Variants in CCDC63 observed in about 807,000 individuals in gnomAD.
CCDC63 encodes the protein coiled-coil domain-containing protein 63.
A neutral mutation model predicts 63.6 loss-of-function variants in CCDC63; 54 were observed. The observed-to-expected ratio is 0.85, with a 90% CI of 0.68 to 1.07. The LOEUF (loss-of-function observed/expected upper bound fraction) is 1.07, where lower values mean the gene tolerates loss of function less well. Ranked by LOEUF, CCDC63 falls within the 50% of genes least tolerant of loss-of-function variation. The pLI is 0.00. For synonymous variants in CCDC63, 253 were observed against 266.1 expected, an observed-to-expected ratio of 0.95 and a Z score of 0.48; for missense variants, 637 against 689.6, an observed-to-expected ratio of 0.92 and a Z score of 0.86.
intron 4 of CCDC63, among the ~76,000 whole-genome samples, chr12:110,867,651 C>T (rs1184313025): frequency 1.2e-4 from 14 of 114,910 alleles, no homozygotes; most frequent in East Asian, 8.0e-4. Context: ...TAGGGGCGGC[C>T]GGGCAGAGGC....
chr12:110,872,532 C>T (rs1486365675), intron 4 of CCDC63, among the ~76,000 whole-genome samples: 5 of 152,314 alleles, frequency 3.3e-5, no homozygotes, highest in Admixed American at 2.6e-4. Context: ...ATAATCTTCT[C>T]TTGATTGATA....
At chr12:110,856,435 CA>C (rs953714652) in intron 3 of CCDC63, among the ~76,000 whole-genome samples, 9 of 152,052 alleles carry the variant, frequency 5.9e-5, no homozygotes, top group Admixed American at 1.3e-4. Context: ...TCCACCTTAA[CA>C]AAGACACTCG....
At chr12:110,904,063 A>G (rs117972814) in intron 10 of CCDC63, among the ~76,000 whole-genome samples, 1 of 152,332 alleles carries the variant, frequency 6.6e-6, no homozygotes, top group Non-Finnish European at 1.5e-5. Context: ...TGTATACATT[A>G]AGAAGTCAGA....
intron 8 of CCDC63, among the ~76,000 whole-genome samples, chr12:110,888,096 G>T (rs1274292181): frequency 2.6e-5 from 4 of 152,140 alleles, no homozygotes; most frequent in Admixed American, 1.3e-4. Context: ...CTCCCTCTTC[G>T]CTCACAGAGA....
upstream of CCDC63, among the ~76,000 whole-genome samples, chr12:110,844,615 C>T (rs1346538725): frequency 3.9e-5 from 6 of 152,214 alleles, no homozygotes; most frequent in African/African-American, 1.2e-4. Context: ...TGGGAGAATG[C>T]TATGCACTAA....
At position 110,899,001 on chromosome 12, in the gene CCDC63, C is replaced by G; in HGVS notation, c.1218C>G (p.Thr406=). 1 of 1,613,516 alleles carries G rather than the reference C, an allele frequency of 6.2e-7. No individual in the cohort carries two copies. Among genetic ancestry groups the G allele is most frequent in the Non-Finnish European group, 8.5e-7 (1 of 1,179,806 alleles). The change falls in exon 10 of 12, where the codon ACC becomes ACG. Residue 406 remains threonine, a synonymous_variant. Transcript: ENST00000308208. ...YESKYGEVSK[T]LDLLKNSVEK... is the part of the protein sequence containing the mutation. ...GCAAGTACGGGGAGGTCAGCAAGACCTTGGATCTATTGAAGAACTCAGTGG... is the reference window on the plus strand; with the variant it reads ...GCAAGTACGGGGAGGTCAGCAAGACGTTGGATCTATTGAAGAACTCAGTGG...
rs1419150907 is a variant in CCDC63, at chr12:110,889,663, T to C, written c.1075-3413T>C. 6.6e-6 allele frequency among the ~76,000 whole-genome samples: 1 copy of C among 152,074 alleles called. No individual in the cohort carries two copies. Among genetic ancestry groups the C allele is most frequent in the African/African-American group, 2.4e-5 (1 of 41,390 alleles). On this transcript the variant is annotated intron_variant, in intron 8 of 11. Transcript: ENST00000308208. This position sits in a 1 kb window ranked among gnomAD's most constrained non-coding sequence, Gnocchi z 4.1. ...ACATTTCCAGAAGAGGTTTTGGCCA[T>C]TTCTCAGAGAGGCAGGGGCCATGGG... is the stretch of plus-strand genomic sequence containing the variant.
chr12:110,877,801 G>A (rs2071150131), intron 5 of CCDC63, among the ~76,000 whole-genome samples: 1 of 151,072 alleles, frequency 6.6e-6, no homozygotes, highest in Non-Finnish European at 1.5e-5. Context: ...TGCCTCCCAG[G>A]TTCAAGCGAT....
intron 3 of CCDC63, 134 bp downstream of exon 3, chr12:110,853,708 CTT>C (rs1320963837): frequency 3.4e-5 from 30 of 883,064 alleles, no homozygotes; most frequent in Non-Finnish European, 5.1e-5. Context: ...GATCCACGGT[CTT>C]TTATCTGCAG....
chr12:110,898,723 A>G (rs932633365), intron 9 of CCDC63, among the ~76,000 whole-genome samples: 8 of 152,056 alleles, frequency 5.3e-5, no homozygotes, highest in East Asian at 1.9e-4. Flanking sequence ...ACGACCCTCA[A>G]TGTACACTAG....
In CCDC63 at chr12:110,885,095, C is replaced by T. The variant is rs561068120; in HGVS notation, c.1074+845C>T. Among the ~76,000 whole-genome samples, 340 of 151,586 alleles carry T rather than the reference C, an allele frequency of 2.2e-3. 1 individual carries two copies. The highest frequency in any genetic ancestry group is 8.1e-3 in the African/African-American group (336 of 41,278). ...ATCCATGGCATGTTTTATTAACCAG[C>T]ATTCAGTAAACTACAGTCCATGGCT... On this transcript the variant is annotated intron_variant, in intron 8 of 11. Transcript: ENST00000308208.
chr12:110,884,625 C>T (rs1443034326), intron 8 of CCDC63, among the ~76,000 whole-genome samples: 3 of 152,126 alleles, frequency 2.0e-5, no homozygotes, highest in East Asian at 3.9e-4. Context: ...ATCCTCCCAC[C>T]TTGGACTCCC....
At chr12:110,877,977 G>T (rs2071152989) in intron 5 of CCDC63, among the ~76,000 whole-genome samples, 1 of 151,976 alleles carries the variant, frequency 6.6e-6, no homozygotes, top group African/African-American at 2.4e-5. Context: ...AAAGTGCTGG[G>T]ATTACAGGCA....
At chr12:110,860,189 A>G (rs931133708) in intron 4 of CCDC63, among the ~76,000 whole-genome samples, 7 of 152,230 alleles carry the variant, frequency 4.6e-5, no homozygotes, top group Non-Finnish European at 8.8e-5. Flanking sequence ...GGGGCAAGCC[A>G]GGGGCAATGG....
chr12:110,884,389 A>G, intron 8 of CCDC63, 139 bp downstream of exon 8: 2 of 658,286 alleles, frequency 3.0e-6, no homozygotes, highest in Non-Finnish European at 5.4e-6. Flanking sequence ...CTTACATTTT[A>G]TGTTTGAGAC....
At chr12:110,845,959 C>CAAAAAAAAAAAAA (rs34690976), upstream of CCDC63, 1 of 96,022 alleles carries the variant, frequency 1.0e-5, no homozygotes, top group African/African-American at 3.9e-5. Context: ...AGTAGAAATA[C>CAAAAAAAAAAAAA]AAAAAAAAAA....
At chr12:110,898,505 C>G (rs2071441837) in intron 9 of CCDC63, among the ~76,000 whole-genome samples, 1 of 149,944 alleles carries the variant, frequency 6.7e-6, no homozygotes, top group African/African-American at 2.5e-5. Context: ...GTAATCCCAG[C>G]TACTTGGGAG....
Position 110,889,234 on chromosome 12 carries a change from T to C in CCDC63, c.1075-3842T>C, listed in dbSNP as rs141300556. On this transcript the variant is annotated intron_variant, in intron 8 of 11. Coordinates refer to ENST00000308208, the MANE Select transcript of CCDC63 (RefSeq NM_152591.3). This position sits in a 1 kb window ranked among gnomAD's most constrained non-coding sequence, Gnocchi z 4.1. ...GCGTTCCAGACACTGCTCTAGACCC[T>C]GATAATGTGGCAGTGAACAGGATGA... 1.7e-3 allele frequency among the ~76,000 whole-genome samples: 262 copies of C among 152,280 alleles called. 1 individual carries two copies. Among genetic ancestry groups the C allele is most frequent in the Non-Finnish European group, 2.9e-3 (197 of 68,026 alleles).
chr12:110,848,282 C>T (rs968051891), intron 1 of CCDC63, among the ~76,000 whole-genome samples: 3 of 152,138 alleles, frequency 2.0e-5, no homozygotes, highest in African/African-American at 7.2e-5. Flanking sequence ...GAATTGGCCC[C>T]ATGGACTATG....
Sources: allele counts gnomAD v4.1 joint callset (sites outside exome capture counted in the v4.1 genomes callset), GRCh38; gene constraint gnomAD v4.1.1; non-coding constraint Gnocchi (gnomAD v3.1); transcripts MANE v1.5; gene names NCBI Gene and HGNC (gene_info 2026-07-23, HGNC 2026-07-21).